Variants in DLX2 observed in about 807,000 individuals in gnomAD.
The protein encoded by DLX2 is homeobox protein DLX-2.
DLX2 carries 8 observed loss-of-function variants against 27.4 expected under a neutral mutation model. That is an observed-to-expected ratio of 0.29 (90% CI 0.17 to 0.53). The LOEUF (loss-of-function observed/expected upper bound fraction) is 0.53. DLX2 is among the 20% of genes least tolerant of loss of function. The pLI, the probability that DLX2 is intolerant of heterozygous loss-of-function variation, is 0.96. For missense variants in DLX2, 421 were observed against 450.9 expected (o/e 0.93, Z 0.60); for synonymous variants, 210 against 200.8 (o/e 1.05, Z -0.39).
rs149742254 is a variant in DLX2 at position 172,100,639 on chromosome 2, C to A, written c.891G>T (p.Ala297=). The A allele has an allele frequency of 3.9e-4, 608 of 1,563,614 alleles. 2 individuals are homozygous for A. Among genetic ancestry groups the A allele is most frequent in the Middle Eastern group, 2.5e-3 (14 of 5,666 alleles). ...SGSASHLQAT[A]PLLHPTQTPQ... is the part of the protein sequence containing the mutation. Reference sequence around the variant, plus strand: ...GGGTCTGAGTGGGGTGCAGCAGCGGCGCCGTGGCCTGCAGGTGTGAGGCGG... The same window carrying A: ...GGGTCTGAGTGGGGTGCAGCAGCGGAGCCGTGGCCTGCAGGTGTGAGGCGG... Residue 297 remains alanine, a synonymous_variant, in exon 3 of 3, where the codon GCG becomes GCT. Coordinates refer to ENST00000234198, the MANE Select transcript of DLX2 (RefSeq NM_004405.4). The surrounding 1 kb of genome is among the most constrained non-coding windows in gnomAD (Gnocchi z 4.5).
In DLX2 at chr2:172,100,568, G is replaced by C. The variant is rs772057247; in HGVS notation, c.962C>G (p.Pro321Arg). 8.9e-6 allele frequency: 14 copies of C among 1,577,684 alleles called. No individual in the cohort carries two copies. Among genetic ancestry groups the C allele is most frequent in the East Asian group, 4.8e-5 (2 of 41,704 alleles). Residue 321 changes from proline to arginine, a missense_variant, in exon 3 of 3, where the codon CCG becomes CGG. Pro to Arg is a moderately radical substitution (Grantham distance 103). Transcript: ENST00000234198. This position sits in a 1 kb window ranked among gnomAD's most constrained non-coding sequence, Gnocchi z 4.5. ...TTAGAAAATCGTCCCCGCGCTCACC[G>C]GGGCGCCCCCGCCGCCGTGATGGTG... is the stretch of plus-strand genomic sequence containing the variant. ...HHHHHGGGGA[P>R]VSAGTIF
rs1318040521 is a variant in DLX2, at chr2:172,100,303, C to T, written c.*240G>A. The T allele has an allele frequency of 2.4e-6, 1 of 423,218 alleles. No individual in the cohort carries two copies. The highest frequency in any genetic ancestry group is 2.1e-5 in the African/African-American group (1 of 48,618). The allele number at this position is 423,218 out of a possible 1,614,324, so 26.2% of individuals were successfully genotyped here. On this transcript the variant is annotated 3_prime_UTR_variant, in exon 3 of 3. Transcript: ENST00000234198. This position sits in a 1 kb window ranked among gnomAD's most constrained non-coding sequence, Gnocchi z 4.5. Reference sequence around the variant, plus strand: ...GGCTCGAAACAGCCGAGACCCGGGGCTCAGGTCAGAAATGCGGCCTTTTAG... The same window carrying T: ...GGCTCGAAACAGCCGAGACCCGGGGTTCAGGTCAGAAATGCGGCCTTTTAG...
At chr2:172,101,676 G>A in intron 1 of DLX2, 30 bp from the exon 2 acceptor site, 1 of 1,607,200 alleles carries the variant, frequency 6.2e-7, no homozygotes, top group Non-Finnish European at 8.5e-7. Flanking sequence ...TAAGAACAGC[G>A]CAACCCAGGG....
rs758566679 is a variant in DLX2 at position 172,100,984 on chromosome 2, G to T, written c.586-40C>A. Reference sequence around the variant, plus strand: ...ACCTGAGCATTAGTGGAGGAACCTAGTCTTGGGGCAGTAGGGGTTCGAAGA... The same window carrying T: ...ACCTGAGCATTAGTGGAGGAACCTATTCTTGGGGCAGTAGGGGTTCGAAGA... On this transcript the variant is annotated intron_variant, in intron 2 of 2. Coordinates refer to ENST00000234198, the MANE Select transcript of DLX2 (RefSeq NM_004405.4). The surrounding 1 kb of genome is among the most constrained non-coding windows in gnomAD (Gnocchi z 4.5). The T allele has an allele frequency of 1.9e-6, 3 of 1,589,874 alleles. No homozygotes were observed. In the Admixed American group the frequency reaches 5.5e-5, roughly 29 times the overall value.
chr2:172,101,721 G>C (rs1016848340), intron 1 of DLX2, 75 bp from the exon 2 acceptor site: 92 of 1,477,842 alleles, frequency 6.2e-5, no homozygotes, highest in Middle Eastern at 2.3e-4. Flanking sequence ...AGGGCCCGGC[G>C]GGGGGGACTT....
rs772417376 is a variant in DLX2, at chr2:172,101,681, C to T, written c.401-35G>A. 1.4e-5 allele frequency: 22 copies of T among 1,605,164 alleles called. No individual in the cohort carries two copies. In the South Asian group the frequency reaches 2.0e-4, roughly 15 times the overall value. On this transcript the variant is annotated intron_variant, in intron 1 of 2. Transcript: ENST00000234198. The stretch of plus-strand genomic sequence containing the variant: ...TAAAGAATCGTAAGAACAGCGCAAC[C>T]CAGGGGTCCTGGAGTTCCCGCCCTC...
chr2:172,102,786 C>T lies in DLX2; in HGVS notation c.-248G>A. ...GGCCCGCTCGGCTCCTTGCCCAGCG[C>T]GAGCGCGGGCTCTGGCGGGGGGCGG... On this transcript the variant is annotated 5_prime_UTR_variant, in exon 1 of 3. Transcript: ENST00000234198. The T allele has an allele frequency of 4.6e-6, 1 of 218,124 alleles. No individual in the cohort carries two copies. The highest frequency in any genetic ancestry group is 9.6e-5 in the South Asian group (1 of 10,402). 13.5% of individuals were successfully genotyped at this position (218,124 alleles called of 1,614,324 possible).
rs1691191646 is a variant in DLX2 at position 172,102,823 on chromosome 2, G to A, written c.-285C>T. 1 of 396,634 alleles carries A rather than the reference G, an allele frequency of 2.5e-6. No individual in the cohort carries two copies. The highest frequency in any genetic ancestry group is 4.5e-6 in the Non-Finnish European group (1 of 223,124). The allele number at this position is 396,634 out of a possible 1,614,324, so 24.6% of individuals were successfully genotyped here. On this transcript the variant is annotated 5_prime_UTR_variant, in exon 1 of 3. Coordinates refer to ENST00000234198, the MANE Select transcript of DLX2 (RefSeq NM_004405.4). ...CTGGCGGGGGGCGGGCAGTGGAGGG[G>A]GCAGGGGTGGCTGGGCCGGGTCGGG...
At chr2:172,101,060 C>T in intron 2 of DLX2, 116 bp from the exon 3 acceptor site, 3 of 1,143,732 alleles carry the variant, frequency 2.6e-6, no homozygotes, top group Non-Finnish European at 2.5e-6. Flanking sequence ...GGGCAGCGAG[C>T]GCCCTGGGGA....
At position 172,101,524 on chromosome 2, in the gene DLX2, G is replaced by A; in HGVS notation, c.523C>T (p.Gln175Ter). The A allele has an allele frequency of 6.2e-7, 1 of 1,613,630 alleles. No individual in the cohort carries two copies. Among genetic ancestry groups the A allele is most frequent in the Non-Finnish European group, 8.5e-7 (1 of 1,179,576 alleles). Reference protein sequence around the residue: ...AALQRRFQKTQYLALPERAEL... With the variant: ...AALQRRFQKT The stretch of plus-strand genomic sequence containing the variant: ...GCTCGCTCCGGCAAGGCCAAGTATT[G>A]AGTCTTTTGGAAACGCCGCTGAAGA... The change falls in exon 2 of 3, where the codon CAA (glutamine) becomes TAA (stop). Residue 175 changes from glutamine to a stop codon, truncating the protein, a stop_gained. Transcript: ENST00000234198. LOFTEE classifies it high-confidence loss of function.
chr2:172,101,317 G>A (rs1453024431), intron 2 of DLX2, 145 bp downstream of exon 2: 1 of 985,076 alleles, frequency 1.0e-6, no homozygotes, highest in Non-Finnish European at 1.5e-6. Context: ...GGGCCTAGAA[G>A]CTTACTTAGG....
intron 1 of DLX2, 67 bp from the exon 2 acceptor site, chr2:172,101,713 G>A: frequency 6.6e-7 from 1 of 1,507,008 alleles, no homozygotes; most frequent in Non-Finnish European, 9.0e-7. Context: ...CCTCCTAGAG[G>A]GCCCGGCGGG....
At chr2:172,101,430 C>T (rs1360726843) in intron 2 of DLX2, 32 bp downstream of exon 2, 2 of 1,569,432 alleles carry the variant, frequency 1.3e-6, no homozygotes, top group East Asian at 2.4e-5. Flanking sequence ...CAGGCCCGCG[C>T]TCTCCTCGCC....
In DLX2 at chr2:172,101,652, AC is replaced by A; in HGVS notation, c.401-7del. On this transcript the variant is annotated splice_polypyrimidine_tract_variant and splice_region_variant and intron_variant, in intron 1 of 2. Coordinates refer to ENST00000234198, the MANE Select transcript of DLX2 (RefSeq NM_004405.4). ...AGGCTCAAGGTCCTCCTTCTCTGCA[AC>A]GATAAAGAATCGTAAGAACAGCGCA... 1 of 1,613,806 alleles carries A rather than the reference AC, an allele frequency of 6.2e-7. No individual in the cohort carries two copies. Among genetic ancestry groups the A allele is most frequent in the East Asian group, 2.2e-5 (1 of 44,884 alleles).
Position 172,099,842 on chromosome 2 carries a change from TA to T in DLX2, c.*700del, listed in dbSNP as rs1691119464. The T allele has an allele frequency of 6.6e-6, 1 of 152,580 alleles. No homozygotes were observed. Among genetic ancestry groups the T allele is most frequent in the Admixed American group, 6.5e-5 (1 of 15,274 alleles). The allele number at this position is 152,580 out of a possible 1,614,324, so 9.5% of individuals were successfully genotyped here. A position where few individuals can be genotyped will look rare whatever the true frequency, so the allele number is the denominator to read the frequency against. On this transcript the variant is annotated 3_prime_UTR_variant, in exon 3 of 3. Transcript: ENST00000234198. ...ACACATTTTTGCAGTGTTCACATAT[TA>T]AAAAATCATTTTTTCAACGTCAAAA...
In DLX2 at chr2:172,100,890, C is replaced by T. The variant is rs1473516855; in HGVS notation, c.640G>A (p.Gly214Ser). 2 of 1,612,930 alleles carry T rather than the reference C, an allele frequency of 1.2e-6. No individual in the cohort carries two copies. Among genetic ancestry groups the T allele is most frequent in the Admixed American group, 1.7e-5 (1 of 59,900 alleles). ...RSKFKKMWKS[G>S]EIPSEQHPGA... Reference sequence around the variant, plus strand: ...GGGTGCTGCTCCGAGGGGATCTCACCACTTTTCCACATCTTCTTGAACTTG... The same window carrying T: ...GGGTGCTGCTCCGAGGGGATCTCACTACTTTTCCACATCTTCTTGAACTTG... Residue 214 changes from glycine to serine, a missense_variant, in exon 3 of 3, where the codon GGT becomes AGT. Physicochemically the swap from Gly to Ser is moderately conservative, Grantham distance 56. Coordinates refer to ENST00000234198, the MANE Select transcript of DLX2 (RefSeq NM_004405.4). This position sits in a 1 kb window ranked among gnomAD's most constrained non-coding sequence, Gnocchi z 4.5.
In DLX2 at chr2:172,100,541, G is replaced by A; in HGVS notation, c.*2C>T. The A allele has an allele frequency of 1.3e-6, 2 of 1,571,524 alleles. No homozygotes were observed. The highest frequency in any genetic ancestry group is 1.7e-6 in the Non-Finnish European group (2 of 1,163,650). ...TCAGTCTCTGGCGAGTTCTCCCTGGGGTTAGAAAATCGTCCCCGCGCTCAC... is the reference window on the plus strand; with the variant it reads ...TCAGTCTCTGGCGAGTTCTCCCTGGAGTTAGAAAATCGTCCCCGCGCTCAC... On this transcript the variant is annotated 3_prime_UTR_variant, in exon 3 of 3. Coordinates refer to ENST00000234198, the MANE Select transcript of DLX2 (RefSeq NM_004405.4). This position sits in a 1 kb window ranked among gnomAD's most constrained non-coding sequence, Gnocchi z 4.5.
At chr2:172,101,402 C>T (rs1370578818) in intron 2 of DLX2, 60 bp downstream of exon 2, 7 of 1,498,568 alleles carry the variant, frequency 4.7e-6, no homozygotes, top group Non-Finnish European at 5.4e-6. Flanking sequence ...CCTAAACCCG[C>T]CTGCTTCCCA....
chr2:172,101,730 T>G (rs533767410), intron 1 of DLX2, 84 bp from the exon 2 acceptor site: 7 of 1,448,696 alleles, frequency 4.8e-6, no homozygotes, highest in Non-Finnish European at 6.6e-6. Context: ...CGGGGGGGAC[T>G]TGGCTTGAGC....
Sources: gnomAD v4.1 joint callset for allele counts on GRCh38, gnomAD v4.1.1 for gene constraint, Gnocchi (gnomAD v3.1) non-coding constraint, MANE v1.5 for transcripts, NCBI Gene and HGNC (gene_info 2026-07-23, HGNC 2026-07-21) for gene names.